The following COBL variants were observed in gnomAD, a reference collection of about 807,000 sequenced individuals.
COBL encodes cordon-bleu WH2 repeat protein, also known as protein cordon-bleu.
In COBL, 51 loss-of-function variants were observed where a neutral mutation model predicts 98.8. The observed-to-expected ratio is 0.52, with a 90% CI of 0.41 to 0.65. The LOEUF is 0.65. COBL is among the 30% of genes least tolerant of loss of function. COBL has a pLI of 0.00. For synonymous variants in COBL, 634 were observed against 651.7 expected, an observed-to-expected ratio of 0.97 and a Z score of 0.41; for missense variants, 1,617 against 1,617.5, an observed-to-expected ratio of 1.00 and a Z score of 0.01.
Position 51,069,246 on chromosome 7 carries a change from C to T in COBL, c.1096+15920G>A, listed in dbSNP as rs1224133489. Among the ~76,000 whole-genome samples, 3 of 152,274 alleles carry T rather than the reference C, an allele frequency of 2.0e-5. No homozygotes were observed. In the East Asian group the frequency reaches 5.8e-4, roughly 29 times the overall value. ...GCGCAGGGATGAGGCAGAAACAGGC[C>T]AGAGATACAAATATGCTTACTTCCA... On this transcript the variant is annotated intron_variant, in intron 7 of 12. Transcript: ENST00000265136.
rs568538009 is a variant in COBL at position 51,059,776 on chromosome 7, C to T, written c.1097-16084G>A. ...CCTCATCCTGCTGTTTGCACTAACT[C>T]CACCCAGAAATACAGCCAAGATGAT... On this transcript the variant is annotated intron_variant, in intron 7 of 12. Coordinates refer to ENST00000265136, the MANE Select transcript of COBL (RefSeq NM_015198.5). Among the ~76,000 whole-genome samples, 9 of 152,314 alleles carry T rather than the reference C, an allele frequency of 5.9e-5. 1 individual carries two copies. The South Asian group carries it at 1.9e-3, about 32-fold the overall frequency.
intron 3 of COBL, among the ~76,000 whole-genome samples, chr7:51,192,548 G>A (rs920867596): frequency 6.6e-6 from 1 of 152,274 alleles, no homozygotes; most frequent in African/African-American, 2.4e-5. Context: ...AGAGGTAGCA[G>A]TGAGCCAAGA....
intron 5 of COBL, among the ~76,000 whole-genome samples, chr7:51,166,288 C>T (rs1163039216): frequency 1.3e-5 from 2 of 151,826 alleles, no homozygotes; most frequent in Non-Finnish European, 2.9e-5. Flanking sequence ...ACTAACACCG[C>T]AGAAATTCAA....
At chr7:51,132,787 G>A (rs577220459) in intron 6 of COBL, among the ~76,000 whole-genome samples, 24 of 152,236 alleles carry the variant, frequency 1.6e-4, no homozygotes, top group East Asian at 5.8e-4. Flanking sequence ...AGGCAAAGGC[G>A]GATTAGGCAT....
At chr7:51,179,442 G>A (rs752600645) in intron 5 of COBL, among the ~76,000 whole-genome samples, 2 of 152,066 alleles carry the variant, frequency 1.3e-5, no homozygotes, top group African/African-American at 4.8e-5. Context: ...CTGACCTCAG[G>A]TGATCCACCT....
intron 6 of COBL, among the ~76,000 whole-genome samples, chr7:51,099,280 C>G (rs4948189): frequency 0.39 from 59,141 of 151,970 alleles, 12,014 homozygotes; most frequent in African/African-American, 0.51. Flanking sequence ...TCCAAAAGAA[C>G]AGCAAACAGA....
At chr7:51,148,499 T>C (rs770290509) in intron 5 of COBL, among the ~76,000 whole-genome samples, 33 of 152,206 alleles carry the variant, frequency 2.2e-4, no homozygotes, top group Non-Finnish European at 4.0e-4. Context: ...CACAGCGGCT[T>C]CCAAGGCCTT....
chr7:51,103,215 T>C (rs1360221344), intron 6 of COBL, among the ~76,000 whole-genome samples: 2 of 152,190 alleles, frequency 1.3e-5, no homozygotes, highest in African/African-American at 4.8e-5. Flanking sequence ...AAAGTGTAAG[T>C]GTTCTGAATA....
At chr7:51,149,101 G>A (rs1423791124) in intron 5 of COBL, among the ~76,000 whole-genome samples, 1 of 152,066 alleles carries the variant, frequency 6.6e-6, no homozygotes, top group African/African-American at 2.4e-5. Flanking sequence ...TTCCCCATAT[G>A]GCCCCACAGC....
chr7:51,142,288 A>G (rs1283410308), intron 5 of COBL, among the ~76,000 whole-genome samples: 1 of 152,180 alleles, frequency 6.6e-6, no homozygotes. Context: ...ACTTCAGCCA[A>G]CAAAATACCG....
chr7:51,264,116 T>C (rs1328851557), intron 1 of COBL, among the ~76,000 whole-genome samples: 1 of 152,078 alleles, frequency 6.6e-6, no homozygotes, highest in Non-Finnish European at 1.5e-5. Context: ...TTGGTCCCCA[T>C]GAGATGCCTT....
intron 8 of COBL, among the ~76,000 whole-genome samples, chr7:51,038,244 C>T (rs1022155789): frequency 5.3e-5 from 8 of 152,154 alleles, no homozygotes; most frequent in Non-Finnish European, 7.3e-5. Flanking sequence ...CCAAGGACAC[C>T]GAATGGAGCC....
At chr7:51,208,609 T>A (rs1390404932) in intron 2 of COBL, among the ~76,000 whole-genome samples, 1 of 152,188 alleles carries the variant, frequency 6.6e-6, no homozygotes, top group African/African-American at 2.4e-5. Flanking sequence ...GGCGGTTTTG[T>A]GCAATGGAAA....
chr7:51,269,076 C>A (rs184402843), intron 1 of COBL, among the ~76,000 whole-genome samples: 10 of 152,134 alleles, frequency 6.6e-5, no homozygotes, highest in African/African-American at 2.4e-4. Context: ...CAGCACCCAG[C>A]CACCCGCTGC....
chr7:51,092,468 A>G (rs7787539), intron 6 of COBL, among the ~76,000 whole-genome samples: 96,744 of 152,052 alleles, frequency 0.64, 31,446 homozygotes, highest in African/African-American at 0.78. Flanking sequence ...TATGGCCTGA[A>G]ATAAGGCCCC....
At chr7:51,186,627 G>A (rs1789545053) in intron 4 of COBL, among the ~76,000 whole-genome samples, 1 of 152,198 alleles carries the variant, frequency 6.6e-6, no homozygotes, top group Non-Finnish European at 1.5e-5. Context: ...CCTCAATAGT[G>A]GGAGAGACAC....
intron 12 of COBL, among the ~76,000 whole-genome samples, chr7:51,020,771 C>T (rs1199121615): frequency 1.3e-5 from 2 of 152,194 alleles, no homozygotes; most frequent in South Asian, 4.1e-4. Flanking sequence ...GGAGGAGAAA[C>T]ACAGCTGGAA....
chr7:51,074,420 T>G (rs1018746850), intron 7 of COBL, among the ~76,000 whole-genome samples: 1 of 152,150 alleles, frequency 6.6e-6, no homozygotes, highest in Non-Finnish European at 1.5e-5. Flanking sequence ...GGTCTCGATC[T>G]CCTGACCTCG....
intron 1 of COBL, among the ~76,000 whole-genome samples, chr7:51,255,160 G>A (rs977106971): frequency 3.3e-5 from 5 of 152,150 alleles, no homozygotes; most frequent in Admixed American, 1.3e-4. Context: ...CTTCCCTTGC[G>A]TATAAACAAA....
Sources: allele counts gnomAD v4.1 joint callset (sites outside exome capture counted in the v4.1 genomes callset), GRCh38; gene constraint gnomAD v4.1.1; transcripts MANE v1.5; gene names NCBI Gene and HGNC (gene_info 2026-07-23, HGNC 2026-07-21).